Variants in PSD observed in about 807,000 individuals in gnomAD.
PSD encodes the protein pleckstrin and Sec7 domain containing, also known as PH and SEC7 domain-containing protein 1.
PSD carries 32 observed loss-of-function variants against 91.6 expected under a neutral mutation model. That is an observed-to-expected ratio of 0.35 (90% CI 0.26 to 0.47). The LOEUF is 0.47. PSD is among the 20% of genes least tolerant of loss of function. PSD has a pLI of 1.00. For missense variants in PSD, 1,099 were observed against 1,373.9 expected, an observed-to-expected ratio of 0.80 and a Z score of 3.16; for synonymous variants, 532 against 569.3, an observed-to-expected ratio of 0.93 and a Z score of 0.93.
intron 5 of PSD, 86 bp downstream of exon 5, chr10:102,413,683 T>C (rs1263123848): frequency 2.9e-6 from 4 of 1,374,114 alleles, no homozygotes; most frequent in Non-Finnish European, 4.0e-6. Context: ...TATAAACCAA[T>C]CCTCACACTC....
rs2061327182 is a variant in PSD at position 102,404,099 on chromosome 10, A to G, written c.2701-114T>C. 5 of 1,326,486 alleles carry G rather than the reference A, an allele frequency of 3.8e-6. No homozygotes were observed. The highest frequency in any genetic ancestry group is 5.0e-6 in the Non-Finnish European group (5 of 1,005,330). The allele number at this position is 1,326,486 out of a possible 1,614,324, so 82.2% of individuals were successfully genotyped here. On this transcript the variant is annotated intron_variant, in intron 15 of 16. Coordinates refer to ENST00000020673, the MANE Select transcript of PSD (RefSeq NM_002779.5). The surrounding 1 kb of genome is among the most constrained non-coding windows in gnomAD (Gnocchi z 5.7). ...CGCGGTGGCTCACGCCTGTAATCCC[A>G]GCACTTTGGGAGGCCAAGGCGGGCG...
rs780800051 is a variant in PSD at position 102,404,853 on chromosome 10, G to A, written c.2555+45C>T. ...AGGGACAGGGAGGGGAGCAGGATGG[G>A]AGGTGGGGGAAGGGGTCCGGGATGG... On this transcript the variant is annotated intron_variant, in intron 14 of 16. Transcript: ENST00000020673. This position sits in a 1 kb window ranked among gnomAD's most constrained non-coding sequence, Gnocchi z 5.7. The A allele has an allele frequency of 3.7e-6, 6 of 1,602,240 alleles. No individual in the cohort carries two copies. In the South Asian group the frequency reaches 4.4e-5, roughly 12 times the overall value.
At chr10:102,412,352 C>T in intron 6 of PSD, 29 bp downstream of exon 6, 6 of 1,612,248 alleles carry the variant, frequency 3.7e-6, no homozygotes, top group Non-Finnish European at 5.1e-6. Context: ...CCTCTGCCCC[C>T]ATCCTCAGTC....
chr10:102,404,608 G>A lies in PSD; in HGVS notation c.2675C>T (p.Pro892Leu). ...CTGGGAGAGGCGGGTGGCAGCGCTGGGCAGGAGAGGGCGGCTGAACTTCTT... is the reference window on the plus strand; with the variant it reads ...CTGGGAGAGGCGGGTGGCAGCGCTGAGCAGGAGAGGGCGGCTGAACTTCTT... ...SQKKFSRPLL[P>L]SAATRLSQEE... The change falls in exon 15 of 17, where the codon CCC becomes CTC. Residue 892 changes from proline (P) to leucine (L), a missense_variant. Around this residue, in one of 3 missense-constraint regions of PSD, gnomAD observed 358 missense variants for 426.5 expected, o/e 0.84. Transcript: ENST00000020673. The surrounding 1 kb of genome is among the most constrained non-coding windows in gnomAD (Gnocchi z 5.7). 6.2e-7 allele frequency: 1 copy of A among 1,611,174 alleles called. No homozygotes were observed. Among genetic ancestry groups the A allele is most frequent in the Non-Finnish European group, 8.5e-7 (1 of 1,178,534 alleles).
chr10:102,407,634 C>T (rs752788629), intron 10 of PSD, among the ~76,000 whole-genome samples: 1 of 152,118 alleles, frequency 6.6e-6, no homozygotes, highest in Non-Finnish European at 1.5e-5. Flanking sequence ...CTGGAGGGAA[C>T]GGGAAAAGCA....
Position 102,417,041 on chromosome 10 carries a change from T to C in PSD, c.-3A>G. ...AAGCGCATGGCACCCTGGGCCATGC[T>C]GGGGCCGGGGGTCAGGCTGGGGGGG... On this transcript the variant is annotated 5_prime_UTR_variant, in exon 2 of 17. Transcript: ENST00000020673. The C allele has an allele frequency of 1.6e-6, 2 of 1,233,138 alleles. No homozygotes were observed. Among genetic ancestry groups the C allele is most frequent in the Non-Finnish European group, 2.0e-6 (2 of 983,714 alleles). 76.4% of individuals were successfully genotyped at this position (1,233,138 alleles called of 1,614,324 possible).
upstream of PSD, chr10:102,418,821 A>AC: frequency 5.4e-6 from 1 of 184,514 alleles, no homozygotes; most frequent in Non-Finnish European, 1.1e-5. Flanking sequence ...CCCTCCCCCT[A>AC]CCCCCTACGC....
rs1320866576 is a variant in PSD, at chr10:102,403,074, C to T, written c.*126G>A. On this transcript the variant is annotated 3_prime_UTR_variant, in exon 17 of 17. Coordinates refer to ENST00000020673, the MANE Select transcript of PSD (RefSeq NM_002779.5). This position sits in a 1 kb window ranked among gnomAD's most constrained non-coding sequence, Gnocchi z 6.7. ...CCCAGCCCTGCCCTGCCCCGGACAC[C>T]GCGTCCGGCGCGGTCGGGCCCTAGG... is the stretch of plus-strand genomic sequence containing the variant. 2 of 710,890 alleles carry T rather than the reference C, an allele frequency of 2.8e-6. No homozygotes were observed. Among genetic ancestry groups the T allele is most frequent in the Non-Finnish European group, 4.2e-6 (2 of 474,314 alleles). The allele number at this position is 710,890 out of a possible 1,614,324, so 44.0% of individuals were successfully genotyped here.
At chr10:102,407,449 T>A (rs1589884562) in intron 10 of PSD, among the ~76,000 whole-genome samples, 183 bp from the exon 11 acceptor site, 1 of 152,304 alleles carries the variant, frequency 6.6e-6, no homozygotes, top group East Asian at 1.9e-4. Flanking sequence ...CTGAGCTGCA[T>A]GACTTCGGGC....
intron 1 of PSD, among the ~76,000 whole-genome samples, chr10:102,417,701 ATTC>A (rs913534647): frequency 2.3e-5 from 3 of 132,010 alleles, no homozygotes; most frequent in African/African-American, 8.8e-5. Context: ...GGAAAGGGAC[ATTC>A]TTCTTTTTTT....
In PSD at chr10:102,416,794, G is replaced by T. The variant is rs1335654467; in HGVS notation, c.245C>A (p.Pro82His). 1 of 1,597,528 alleles carries T rather than the reference G, an allele frequency of 6.3e-7. No individual in the cohort carries two copies. The highest frequency in any genetic ancestry group is 8.5e-7 in the Non-Finnish European group (1 of 1,171,380). ...CCCAGTGGGTGAAGAGGGTGCCCAG[G>T]GTGAGGGAGCAACACGGGGTGAGGG... ...GPPSPRVAPS[P>H]WAPSSPTGQP... Residue 82 changes from proline to histidine, a missense_variant, in exon 2 of 17, where the codon CCC becomes CAC. Pro to His is a moderately conservative substitution (Grantham distance 77, BLOSUM62 -2). Around this residue, in one of 3 missense-constraint regions of PSD, gnomAD observed 631 missense variants for 728.8 expected, o/e 0.87. Coordinates refer to ENST00000020673, the MANE Select transcript of PSD (RefSeq NM_002779.5). The surrounding 1 kb of genome is among the most constrained non-coding windows in gnomAD (Gnocchi z 6.0).
Position 102,402,676 on chromosome 10 carries a change from A to C in PSD, c.*524T>G. 3.1e-6 allele frequency: 1 copy of C among 327,518 alleles called. No homozygotes were observed. Among genetic ancestry groups the C allele is most frequent in the Non-Finnish European group, 5.6e-6 (1 of 179,178 alleles). The allele number at this position is 327,518 out of a possible 1,614,324, so 20.3% of individuals were successfully genotyped here. The stretch of plus-strand genomic sequence containing the variant: ...GCTGTACAAAGGGCAAGGCCCACTG[A>C]AGCGGGGGAAAGCCAGGCCGTGCTG... On this transcript the variant is annotated 3_prime_UTR_variant, in exon 17 of 17. Coordinates refer to ENST00000020673, the MANE Select transcript of PSD (RefSeq NM_002779.5).
Position 102,415,206 on chromosome 10 carries a change from G to T in PSD, c.781C>A (p.Pro261Thr). Residue 261 changes from proline (P) to threonine (T), a missense_variant, in exon 4 of 17, where the codon CCC (proline) becomes ACC (threonine). Around this residue, in one of 3 missense-constraint regions of PSD, gnomAD observed 631 missense variants for 728.8 expected, o/e 0.87. Coordinates refer to ENST00000020673, the MANE Select transcript of PSD (RefSeq NM_002779.5). The stretch of plus-strand genomic sequence containing the variant: ...GAGCCCACCCCAGGTGGAGATGGGG[G>T]GGCCTGCTCTGGGGGCTTAGCACCT... ...SSGAKPPEQA[P>T]PSPPGVGSRQ... The T allele has an allele frequency of 6.2e-7, 1 of 1,610,868 alleles. No homozygotes were observed.
At chr10:102,418,891 G>A, upstream of PSD, 1 of 328,456 alleles carries the variant, frequency 3.0e-6, no homozygotes, top group South Asian at 2.0e-5. Flanking sequence ...CCAGAGCCCC[G>A]GAGGCTGCCA....
At chr10:102,406,795 T>C (rs187020207) in intron 11 of PSD, among the ~76,000 whole-genome samples, 4 of 152,290 alleles carry the variant, frequency 2.6e-5, no homozygotes, top group Admixed American at 1.3e-4. Context: ...GTGAGCCACC[T>C]CGCCTGGCCG....
In PSD at chr10:102,403,965, G is replaced by A. The variant is rs776139917; in HGVS notation, c.2721C>T (p.His907=). Reference sequence around the variant, plus strand: ...TTGCCATGGCCTTCAGCTTGGCCTCGTGGGTCCGCACCTGCTCCTCCTAGC... The same window carrying A: ...TTGCCATGGCCTTCAGCTTGGCCTCATGGGTCCGCACCTGCTCCTCCTAGC... The part of the protein sequence containing the change: ...RLSQEEQVRT[H]EAKLKAMASE... Residue 907 remains histidine (H), a synonymous_variant, in exon 16 of 17, where the codon CAC becomes CAT. Coordinates refer to ENST00000020673, the MANE Select transcript of PSD (RefSeq NM_002779.5). This position sits in a 1 kb window ranked among gnomAD's most constrained non-coding sequence, Gnocchi z 6.7. The A allele has an allele frequency of 3.1e-5, 48 of 1,564,584 alleles. No homozygotes were observed. Among genetic ancestry groups the A allele is most frequent in the Non-Finnish European group, 3.6e-5 (42 of 1,156,394 alleles).
chr10:102,416,617 A>G lies in PSD; in HGVS notation c.422T>C (p.Leu141Pro), dbSNP rs1359843181. ...TAACTTCCGGTTGGAGCCAGGCCCA[A>G]GGGCTGGGGTGGGCCTGGGAGGAGA... The part of the protein sequence containing the change: ...GVSPPRPTPA[L>P]GPGSNRKLRL... Residue 141 changes from leucine to proline, a missense_variant, in exon 2 of 17, where the codon CTT becomes CCT. Transcript: ENST00000020673. The surrounding 1 kb of genome is among the most constrained non-coding windows in gnomAD (Gnocchi z 6.0). 9 of 1,600,948 alleles carry G rather than the reference A, an allele frequency of 5.6e-6. No individual in the cohort carries two copies. The highest frequency in any genetic ancestry group is 7.7e-6 in the Non-Finnish European group (9 of 1,173,738).
At position 102,405,806 on chromosome 10, in the gene PSD, T is replaced by C. The variant is rs1318549081; in HGVS notation, c.2136-270A>G. The C allele has an allele frequency of 2.3e-6, 1 of 426,922 alleles. No homozygotes were observed. The highest frequency in any genetic ancestry group is 3.7e-5 in the Admixed American group (1 of 27,108). The allele number at this position is 426,922 out of a possible 1,614,324, so 26.4% of individuals were successfully genotyped here. On this transcript the variant is annotated intron_variant, in intron 11 of 16. Transcript: ENST00000020673. The surrounding 1 kb of genome is among the most constrained non-coding windows in gnomAD (Gnocchi z 5.4). ...AGTAGGGCCAGCACTATCCTCTCCATTGCTGCACACCTGCAGCCCTCACAC... is the reference window on the plus strand; with the variant it reads ...AGTAGGGCCAGCACTATCCTCTCCACTGCTGCACACCTGCAGCCCTCACAC...
Position 102,405,413 on chromosome 10 carries a change from A to G in PSD, c.2259T>C (p.Pro753=), listed in dbSNP as rs1406361915. Residue 753 remains proline (P), a synonymous_variant, in exon 12 of 17, where the codon CCT becomes CCC. Coordinates refer to ENST00000020673, the MANE Select transcript of PSD (RefSeq NM_002779.5). The surrounding 1 kb of genome is among the most constrained non-coding windows in gnomAD (Gnocchi z 5.4). ...SSPFLDLTPE[P]GAAVYKHGAL... Reference sequence around the variant, plus strand: ...CCCCGTGCTTGTAGACGGCAGCCCCAGGCTCGGGAGTCAGGTCCAGGAAAG... The same window carrying G: ...CCCCGTGCTTGTAGACGGCAGCCCCGGGCTCGGGAGTCAGGTCCAGGAAAG... 1.2e-6 allele frequency: 2 copies of G among 1,613,838 alleles called. No individual in the cohort carries two copies. The highest frequency in any genetic ancestry group is 1.7e-6 in the Non-Finnish European group (2 of 1,180,028).
Sources: gnomAD v4.1 joint callset for allele counts (sites outside exome capture counted in the v4.1 genomes callset) on GRCh38, gnomAD v4.1.1 for gene constraint, gnomAD v4.1.1 regional missense constraint, Gnocchi (gnomAD v3.1) non-coding constraint, MANE v1.5 for transcripts, NCBI Gene and HGNC (gene_info 2026-07-23, HGNC 2026-07-21) for gene names.